Variants in C8orf34 observed in about 807,000 individuals in gnomAD.
C8orf34 encodes chromosome 8 open reading frame 34, also known as uncharacterized protein C8orf34.
Under a neutral mutation model 68.3 loss-of-function variants are expected in C8orf34, and 65 were observed. The ratio of observed to expected loss-of-function variants is 0.95; its 90% confidence interval spans 0.78 to 1.17. The LOEUF is 1.17. Among genes scored for constraint, C8orf34 ranks in the 50% most tolerant of loss-of-function variants. The pLI is 0.00. For synonymous variants in C8orf34, 244 were observed against 241.2 expected (o/e 1.01, Z -0.11); for missense variants, 664 against 655.4 (o/e 1.01, Z -0.14).
chr8:68,337,235 C>T (rs146070709), intron 1 of C8orf34, among the ~76,000 whole-genome samples: 51 of 152,208 alleles, frequency 3.4e-4, no homozygotes, highest in Middle Eastern at 3.4e-3. Flanking sequence ...AGTAAAGAAA[C>T]CTGGCAGACA....
At chr8:68,713,272 T>C (rs1029515400) in intron 9 of C8orf34, among the ~76,000 whole-genome samples, 1 of 151,842 alleles carries the variant, frequency 6.6e-6, no homozygotes, top group African/African-American at 2.4e-5. Context: ...CTCCTGGAAC[T>C]GGAGAAACAA....
intron 7 of C8orf34, among the ~76,000 whole-genome samples, chr8:68,617,685 T>G (rs1818267099): frequency 6.6e-6 from 1 of 152,342 alleles, no homozygotes; most frequent in African/African-American, 2.4e-5. Flanking sequence ...CCTTTGTGGG[T>G]AACCCGACCT....
chr8:68,420,515 T>C (rs1187917912), intron 1 of C8orf34, among the ~76,000 whole-genome samples: 1 of 151,324 alleles, frequency 6.6e-6, no homozygotes, highest in Non-Finnish European at 1.5e-5. Context: ...AAACTAATTA[T>C]GAAATGCAAC....
chr8:68,378,004 G>A (rs1458082077), intron 1 of C8orf34, among the ~76,000 whole-genome samples: 1 of 152,036 alleles, frequency 6.6e-6, no homozygotes, highest in African/African-American at 2.4e-5. Flanking sequence ...GAGAAGTGTG[G>A]GGAAACTGCC....
intron 8 of C8orf34, among the ~76,000 whole-genome samples, chr8:68,651,979 T>C (rs1464036317): frequency 2.0e-5 from 3 of 152,170 alleles, no homozygotes; most frequent in African/African-American, 7.2e-5. Flanking sequence ...AACCTTCCAG[T>C]GGGTGCTAAG....
At chr8:68,816,837 G>A (rs1824834847) in intron 13 of C8orf34, among the ~76,000 whole-genome samples, 1 of 152,068 alleles carries the variant, frequency 6.6e-6, no homozygotes, top group African/African-American at 2.4e-5. Context: ...GTAAAAAATA[G>A]AAACAACCTA....
chr8:68,767,080 G>C (rs1823200924), intron 10 of C8orf34, among the ~76,000 whole-genome samples: 1 of 152,154 alleles, frequency 6.6e-6, no homozygotes, highest in Non-Finnish European at 1.5e-5. Flanking sequence ...TGTAATCCCA[G>C]CTACTCGGGA....
intron 8 of C8orf34, among the ~76,000 whole-genome samples, chr8:68,708,158 A>C (rs1821224687): frequency 1.3e-5 from 2 of 152,324 alleles, no homozygotes; most frequent in African/African-American, 4.8e-5. Flanking sequence ...TCATATACAG[A>C]AGGTAATAAG....
At chr8:68,612,932 G>A (rs528457969) in intron 7 of C8orf34, among the ~76,000 whole-genome samples, 37 of 152,192 alleles carry the variant, frequency 2.4e-4, no homozygotes, top group African/African-American at 6.7e-4. Flanking sequence ...TTAGAAAAAC[G>A]TAATTTCTAG....
chr8:68,462,037 A>C (rs2129629093), intron 3 of C8orf34, among the ~76,000 whole-genome samples: 1 of 152,348 alleles, frequency 6.6e-6, no homozygotes, highest in African/African-American at 2.4e-5. Flanking sequence ...TGCTGTATTC[A>C]GGAAACCCAT....
intron 5 of C8orf34, among the ~76,000 whole-genome samples, chr8:68,506,386 A>T (rs1404713925): frequency 6.6e-6 from 1 of 152,230 alleles, no homozygotes; most frequent in African/African-American, 2.4e-5. Flanking sequence ...ATTTTATGAG[A>T]TGAGGTCTCA....
intron 3 of C8orf34, 59 bp downstream of exon 3, chr8:68,446,519 A>G: frequency 6.5e-7 from 1 of 1,541,432 alleles, no homozygotes; most frequent in South Asian, 1.2e-5. Flanking sequence ...TTGTTAAGAA[A>G]ATGAAGAAAA....
At chr8:68,579,941 A>AT (rs1429157897) in intron 7 of C8orf34, among the ~76,000 whole-genome samples, 3 of 152,184 alleles carry the variant, frequency 2.0e-5, no homozygotes, top group African/African-American at 4.8e-5. Flanking sequence ...GATTAAATCT[A>AT]TTCATTATAC....
rs1021775917 is a variant in C8orf34 at position 68,694,766 on chromosome 8, CT to C, written c.1242-14223del. On this transcript the variant is annotated intron_variant, in intron 8 of 13. Transcript: ENST00000518698. ...TAACATTCTGGATCTCCCTGGTTCA[CT>C]TTTTAGTAAAATTGGAATTTCCATT... 1.9e-3 allele frequency among the ~76,000 whole-genome samples: 284 copies of C among 152,172 alleles called. 1 individual carries two copies. Among genetic ancestry groups the C allele is most frequent in the African/African-American group, 6.6e-3 (273 of 41,552 alleles).
intron 10 of C8orf34, 83 bp from the exon 11 acceptor site, chr8:68,776,316 T>C: frequency 9.7e-7 from 1 of 1,034,968 alleles, no homozygotes; most frequent in Non-Finnish European, 1.5e-6. Context: ...GGTGTTGCTC[T>C]CAGATCCCAC....
At chr8:68,639,600 T>A (rs1269685717) in intron 7 of C8orf34, among the ~76,000 whole-genome samples, 1 of 152,180 alleles carries the variant, frequency 6.6e-6, no homozygotes, top group Non-Finnish European at 1.5e-5. Flanking sequence ...TTTGAAACTT[T>A]ATGTATCTTT....
intron 10 of C8orf34, among the ~76,000 whole-genome samples, chr8:68,724,766 C>T (rs574267864): frequency 6.6e-6 from 1 of 152,302 alleles, no homozygotes; most frequent in African/African-American, 2.4e-5. Context: ...TGATTATGAC[C>T]TCTTAGCTTC....
intron 1 of C8orf34, among the ~76,000 whole-genome samples, chr8:68,408,011 A>G (rs1809273341): frequency 6.6e-6 from 1 of 152,122 alleles, no homozygotes; most frequent in Admixed American, 6.6e-5. Context: ...CCTGTTAGGA[A>G]CCGGGCTGCA....
intron 7 of C8orf34, among the ~76,000 whole-genome samples, chr8:68,570,415 T>C (rs1379369675): frequency 6.6e-6 from 1 of 152,180 alleles, no homozygotes; most frequent in Non-Finnish European, 1.5e-5. Flanking sequence ...GTGATTGTGA[T>C]TGTCAGTATT....
Sources: gnomAD v4.1 joint callset for allele counts (sites outside exome capture counted in the v4.1 genomes callset) on GRCh38, gnomAD v4.1.1 for gene constraint, MANE v1.5 for transcripts, NCBI Gene and HGNC (gene_info 2026-07-23, HGNC 2026-07-21) for gene names.